The following ASAH1 variants were observed in gnomAD, a reference collection of about 807,000 sequenced individuals.
ASAH1 encodes the protein acid ceramidase.
ASAH1 carries 70 observed loss-of-function variants against 59.5 expected under a neutral mutation model. The ratio of observed to expected loss-of-function variants is 1.18; its 90% CI spans 0.97 to 1.43. The LOEUF is 1.43. Ranked by LOEUF, ASAH1 falls within the 40% of genes most tolerant of loss-of-function variation. ASAH1 has a pLI of 0.00. For missense variants in ASAH1, 660 were observed against 482.5 expected, an observed-to-expected ratio of 1.37 and a Z score of -3.45; for synonymous variants, 213 against 166.5, an observed-to-expected ratio of 1.28 and a Z score of -2.15.
chr8:18,077,838 G>C (rs1438719813), intron 1 of ASAH1, among the ~76,000 whole-genome samples: 2 of 152,160 alleles, frequency 1.3e-5, no homozygotes, highest in Non-Finnish European at 2.9e-5. Flanking sequence ...AAGTTCTGCT[G>C]TGAGGAGATA....
intron 5 of ASAH1, 108 bp downstream of exon 5, chr8:18,067,112 G>GTATATCTAAGACATACAGCACCTGTGCTC: frequency 2.0e-6 from 1 of 507,324 alleles, no homozygotes. Context: ...CACCTGTGCT[G>GTATATCTAAGACATACAGCACCTGTGCTC]TATATCTAAG....
intron 1 of ASAH1, among the ~76,000 whole-genome samples, chr8:18,076,836 T>C (rs939225191): frequency 3.3e-5 from 5 of 152,202 alleles, no homozygotes; most frequent in Non-Finnish European, 1.5e-5. Context: ...TTTGATAACA[T>C]GGGGAATATA....
intron 5 of ASAH1, chr8:18,066,907 A>G (rs1228171332): frequency 5.7e-6 from 2 of 351,882 alleles, no homozygotes; most frequent in Non-Finnish European, 1.0e-5. Context: ...TTCTATTTAT[A>G]CAAAGTTCAC....
chr8:18,075,149 C>T (rs910523499), intron 2 of ASAH1, among the ~76,000 whole-genome samples: 2 of 151,712 alleles, frequency 1.3e-5, no homozygotes, highest in Non-Finnish European at 2.9e-5. Flanking sequence ...GCGCCCGCCA[C>T]CACGCCTGGC....
At chr8:18,059,075 T>A (rs1799581913) in intron 12 of ASAH1, 184 bp from the exon 13 acceptor site, 1 of 617,492 alleles carries the variant, frequency 1.6e-6, no homozygotes, top group Admixed American at 3.9e-5. Context: ...ATTACTTTCC[T>A]CTCTCTCCTT....
chr8:18,072,345 T>C (rs1800209167), intron 2 of ASAH1, among the ~76,000 whole-genome samples: 2 of 152,252 alleles, frequency 1.3e-5, no homozygotes, highest in African/African-American at 4.8e-5. Flanking sequence ...TAGCTGGGGA[T>C]GGGTTATTAC....
intron 2 of ASAH1, among the ~76,000 whole-genome samples, chr8:18,075,284 C>T (rs1387517528): frequency 6.6e-6 from 1 of 152,152 alleles, no homozygotes; most frequent in East Asian, 1.9e-4. Context: ...TGAGCCACCG[C>T]GTCTGGCTGA....
chr8:18,075,669 T>C, intron 1 of ASAH1, 82 bp from the exon 2 acceptor site: 3 of 1,281,772 alleles, frequency 2.3e-6, no homozygotes, highest in South Asian at 2.4e-5. Context: ...AGTTAATCTG[T>C]GAAGACAACA....
chr8:18,056,140 AT>A lies in ASAH1; in HGVS notation c.*1393del, dbSNP rs1799461819. 1 of 152,204 alleles carries A rather than the reference AT, an allele frequency of 6.6e-6. No homozygotes were observed. The highest frequency in any genetic ancestry group is 1.5e-5 in the Non-Finnish European group (1 of 68,038). The allele number at this position is 152,204 out of a possible 1,614,324, so 9.4% of individuals were successfully genotyped here. A position where few individuals can be genotyped will look rare whatever the true frequency, so the allele number is the denominator to read the frequency against. The stretch of plus-strand genomic sequence containing the variant: ...TTAATTAAATCCTATTTTAATGTAA[AT>A]CCTCTTATAATTCCTCGTTTCACTA... On this transcript the variant is annotated 3_prime_UTR_variant, in exon 14 of 14. Coordinates refer to ENST00000637790, the MANE Select transcript of ASAH1 (RefSeq NM_177924.5).
intron 1 of ASAH1, among the ~76,000 whole-genome samples, chr8:18,077,380 A>C (rs1051166224): frequency 6.6e-6 from 1 of 152,338 alleles, no homozygotes; most frequent in African/African-American, 2.4e-5. Context: ...TACTACTGTC[A>C]ATTTTTATAG....
At chr8:18,072,056 C>T (rs1344771870) in intron 2 of ASAH1, among the ~76,000 whole-genome samples, 1 of 152,194 alleles carries the variant, frequency 6.6e-6, no homozygotes, top group African/African-American at 2.4e-5. Context: ...GAGGATATAG[C>T]AACATCCAGT....
At chr8:18,067,093 A>T in intron 5 of ASAH1, 127 bp downstream of exon 5, 5 of 118,486 alleles carry the variant, frequency 4.2e-5, no homozygotes, top group Non-Finnish European at 1.5e-4. Flanking sequence ...TGTATATCTA[A>T]GACCTGTGCA....
At chr8:18,075,103 C>A (rs1219247515) in intron 2 of ASAH1, among the ~76,000 whole-genome samples, 2 of 150,414 alleles carry the variant, frequency 1.3e-5, no homozygotes, top group East Asian at 3.9e-4. Flanking sequence ...TCACGCCATT[C>A]TCCTGCCTCA....
chr8:18,068,197 A>C (rs1283333347), intron 4 of ASAH1: 1 of 152,208 alleles, frequency 6.6e-6, no homozygotes, highest in African/African-American at 2.4e-5. Context: ...CTGATGAGAA[A>C]ACTGAGGTTT....
At chr8:18,076,067 C>G (rs1046964482) in intron 1 of ASAH1, 1 of 205,882 alleles carries the variant, frequency 4.9e-6, no homozygotes, top group Non-Finnish European at 1.0e-5. Context: ...GCCTCATCTC[C>G]TGACACTCCC....
At chr8:18,067,106 TGTGC>T in intron 5 of ASAH1, 110 bp downstream of exon 5, 5 of 465,434 alleles carry the variant, frequency 1.1e-5, no homozygotes, top group Non-Finnish European at 1.5e-5. Flanking sequence ...CCTGTGCACC[TGTGC>T]TGTATATCTA....
intron 2 of ASAH1, among the ~76,000 whole-genome samples, chr8:18,074,983 G>A (rs78535389): frequency 1.2e-4 from 18 of 151,940 alleles, no homozygotes; most frequent in African/African-American, 4.3e-4. Flanking sequence ...AGAATTGAGT[G>A]GAGAATGAAA....
rs895093107 is a variant in ASAH1 at position 18,061,719 on chromosome 8, T to A, written c.670A>T (p.Asn224Tyr). Reference sequence around the variant, plus strand: ...CCACCATTTATACTGAAACGTTCATTCAGTGTAAGACTGAACAGTCCCTGA... The same window carrying A: ...CCACCATTTATACTGAAACGTTCATACAGTGTAAGACTGAACAGTCCCTGA... The part of the protein sequence containing the change: ...FKPGLFSLTL[N>Y]ERFSINGGYL... The change falls in exon 9 of 14, where the codon AAT (asparagine) becomes TAT (tyrosine). Residue 224 changes from asparagine to tyrosine, a missense_variant. Coordinates refer to ENST00000637790, the MANE Select transcript of ASAH1 (RefSeq NM_177924.5). The A allele has an allele frequency of 1.3e-6, 2 of 1,581,896 alleles. No homozygotes were observed. Among genetic ancestry groups the A allele is most frequent in the African/African-American group, 2.7e-5 (2 of 74,062 alleles).
chr8:18,081,849 C>T (rs1344629254), intron 1 of ASAH1, among the ~76,000 whole-genome samples: 1 of 152,130 alleles, frequency 6.6e-6, no homozygotes. Context: ...AGTCACTAAA[C>T]TTCTGTAAGG....
Sources: gnomAD v4.1 joint callset for allele counts (sites outside exome capture counted in the v4.1 genomes callset) on GRCh38, gnomAD v4.1.1 for gene constraint, MANE v1.5 for transcripts, NCBI Gene and HGNC (gene_info 2026-07-23, HGNC 2026-07-21) for gene names.